The following MAPK10 variants were observed in gnomAD, a reference collection of about 807,000 sequenced individuals.
MAPK10 encodes the protein mitogen-activated protein kinase 10.
A neutral mutation model predicts 59.3 loss-of-function variants in MAPK10; 25 were observed. The ratio of observed to expected loss-of-function variants is 0.42; its 90% CI spans 0.31 to 0.59. MAPK10 has a LOEUF of 0.59. Ranked by LOEUF, MAPK10 falls within the 20% of genes least tolerant of loss-of-function variation. The pLI, the probability that MAPK10 is intolerant of heterozygous loss-of-function variation, is 0.15. For missense variants in MAPK10, 351 were observed against 568.9 expected, an observed-to-expected ratio of 0.62 and a Z score of 3.90; for synonymous variants, 190 against 200.5, an observed-to-expected ratio of 0.95 and a Z score of 0.44.
rs552905110 is a variant in MAPK10, at chr4:86,142,120, G to A, written c.236+17178C>T. 1.3e-4 allele frequency among the ~76,000 whole-genome samples: 20 copies of A among 152,156 alleles called. No homozygotes were observed. The South Asian group carries it at 3.7e-3, about 28-fold the overall frequency. ...CCAAGAAGTTAATGAGGGATCCACC[G>A]CCAAACCTAAACACTTCCCACTAGG... On this transcript the variant is annotated intron_variant, in intron 4 of 13. Transcript: ENST00000641462.
chr4:86,538,024 T>G (rs915740108), intron 1 of MAPK10, among the ~76,000 whole-genome samples: 1 of 152,222 alleles, frequency 6.6e-6, no homozygotes, highest in African/African-American at 2.4e-5. Flanking sequence ...AGATAATTCC[T>G]CCTTTTTGCT....
chr4:86,367,922 T>C (rs1375290676), intron 1 of MAPK10, among the ~76,000 whole-genome samples: 1 of 152,108 alleles, frequency 6.6e-6, no homozygotes, highest in East Asian at 1.9e-4. Context: ...GACAGGGTGT[T>C]TTCTATATTA....
At chr4:86,264,158 A>T (rs142458514) in intron 2 of MAPK10, among the ~76,000 whole-genome samples, 1 of 152,332 alleles carries the variant, frequency 6.6e-6, no homozygotes, top group Non-Finnish European at 1.5e-5. Flanking sequence ...TTGAAATTTG[A>T]AGTTAACAAG....
intron 2 of MAPK10, among the ~76,000 whole-genome samples, chr4:86,241,670 A>T (rs922631288): frequency 2.1e-4 from 32 of 151,054 alleles, no homozygotes; most frequent in African/African-American, 7.6e-4. Flanking sequence ...GTGTTTTTCA[A>T]CTCCATCTGG....
intron 2 of MAPK10, among the ~76,000 whole-genome samples, chr4:86,307,658 T>C (rs918247212): frequency 2.6e-5 from 4 of 152,078 alleles, no homozygotes; most frequent in African/African-American, 4.8e-5. Flanking sequence ...AACAGAAACA[T>C]ATGACTCACA....
At chr4:86,233,594 G>C (rs2091886075) in intron 2 of MAPK10, among the ~76,000 whole-genome samples, 1 of 152,064 alleles carries the variant, frequency 6.6e-6, no homozygotes, top group South Asian at 2.1e-4. Context: ...GGTCGGATAG[G>C]CTAGATTTCT....
At chr4:86,236,196 G>A (rs1310583020) in intron 2 of MAPK10, among the ~76,000 whole-genome samples, 1 of 152,006 alleles carries the variant, frequency 6.6e-6, no homozygotes, top group Admixed American at 6.6e-5. Context: ...ATTATATTGG[G>A]CCCACTTAGA....
At chr4:86,339,120 G>A (rs1026109062) in intron 2 of MAPK10, among the ~76,000 whole-genome samples, 12 of 152,190 alleles carry the variant, frequency 7.9e-5, no homozygotes, top group East Asian at 5.8e-4. Flanking sequence ...ACAGTGTATC[G>A]GCAGGGCTGC....
At chr4:86,031,144 C>T (rs145372560) in intron 12 of MAPK10, among the ~76,000 whole-genome samples, 98 of 152,182 alleles carry the variant, frequency 6.4e-4, no homozygotes, top group Non-Finnish European at 1.2e-3. Context: ...ACAATCAGTA[C>T]CATTTTAAAA....
intron 1 of MAPK10, among the ~76,000 whole-genome samples, chr4:86,571,545 T>A (rs1761456261): frequency 6.6e-6 from 1 of 151,918 alleles, no homozygotes; most frequent in African/African-American, 2.4e-5. Flanking sequence ...AAGCATATGA[T>A]CAAGTAACAA....
intron 1 of MAPK10, among the ~76,000 whole-genome samples, chr4:86,374,206 A>G (rs190044428): frequency 2.0e-5 from 3 of 152,210 alleles, no homozygotes; most frequent in African/African-American, 7.2e-5. Flanking sequence ...GAGTTGAACA[A>G]TGAGAATACA....
chr4:86,436,573 T>C (rs1748751459), intron 1 of MAPK10, among the ~76,000 whole-genome samples: 2 of 152,176 alleles, frequency 1.3e-5, no homozygotes, highest in South Asian at 4.2e-4. Context: ...GTTGCTGATG[T>C]GTAGAAATAA....
chr4:86,347,462 G>T (rs1480674842), intron 2 of MAPK10, among the ~76,000 whole-genome samples: 2 of 152,230 alleles, frequency 1.3e-5, no homozygotes, highest in African/African-American at 2.4e-5. Flanking sequence ...CTCTCAAACA[G>T]TGACAGCCCC....
At chr4:86,290,199 A>G (rs2095175841) in intron 2 of MAPK10, among the ~76,000 whole-genome samples, 1 of 152,198 alleles carries the variant, frequency 6.6e-6, no homozygotes, top group Admixed American at 6.5e-5. Context: ...GAAATCAAGA[A>G]AAGGAGAAAC....
chr4:86,085,917 C>T (rs1200643259), intron 9 of MAPK10, among the ~76,000 whole-genome samples: 1 of 151,948 alleles, frequency 6.6e-6, no homozygotes, highest in Non-Finnish European at 1.5e-5. Context: ...AAGCGAGGCA[C>T]AGAAAGACAA....
At chr4:86,234,332 C>T (rs371135025) in intron 2 of MAPK10, among the ~76,000 whole-genome samples, 1 of 151,988 alleles carries the variant, frequency 6.6e-6, no homozygotes, top group Non-Finnish European at 1.5e-5. Context: ...TATTTTGTCT[C>T]ATAAAAATGT....
At chr4:86,257,781 C>A (rs889956869) in intron 2 of MAPK10, among the ~76,000 whole-genome samples, 46 of 152,178 alleles carry the variant, frequency 3.0e-4, no homozygotes, top group African/African-American at 1.1e-3. Context: ...GTTCCTCACA[C>A]ACATTCCATG....
intron 11 of MAPK10, among the ~76,000 whole-genome samples, chr4:86,059,417 T>C (rs2045280905): frequency 6.6e-6 from 1 of 152,248 alleles, no homozygotes; most frequent in South Asian, 2.1e-4. Flanking sequence ...CTTTACATTA[T>C]AAACAAACAG....
intron 1 of MAPK10, among the ~76,000 whole-genome samples, chr4:86,546,848 A>T (rs944083922): frequency 6.6e-6 from 1 of 152,188 alleles, no homozygotes; most frequent in African/African-American, 2.4e-5. Context: ...CGAGGTCAGG[A>T]GATCTAGACC....
Sources: gnomAD v4.1 joint callset for allele counts (sites outside exome capture counted in the v4.1 genomes callset) on GRCh38, gnomAD v4.1.1 for gene constraint, MANE v1.5 for transcripts, NCBI Gene and HGNC (gene_info 2026-07-23, HGNC 2026-07-21) for gene names.